Variants in ADAMTS20 observed in about 807,000 individuals in gnomAD.
ADAMTS20 encodes A disintegrin and metalloproteinase with thrombospondin motifs 20.
A neutral mutation model predicts 260.1 loss-of-function variants in ADAMTS20; 225 were observed. The observed-to-expected ratio is 0.87, with a 90% confidence interval of 0.78 to 0.97. The LOEUF (loss-of-function observed/expected upper bound fraction) is 0.97. ADAMTS20 is among the 50% of genes least tolerant of loss of function. The pLI is 0.00. For synonymous variants in ADAMTS20, 802 were observed against 769.5 expected, an observed-to-expected ratio of 1.04 and a Z score of -0.70; for missense variants, 2,400 against 2,337.7, an observed-to-expected ratio of 1.03 and a Z score of -0.55.
chr12:43,387,259 C>A (rs184774707), intron 29 of ADAMTS20, among the ~76,000 whole-genome samples: 1 of 152,306 alleles, frequency 6.6e-6, no homozygotes, highest in East Asian at 1.9e-4. Context: ...TGTTGCAGGT[C>A]TGCTGGAGTT....
chr12:43,476,583 T>A (rs1942356894), intron 7 of ADAMTS20, among the ~76,000 whole-genome samples: 1 of 93,924 alleles, frequency 1.1e-5, no homozygotes, highest in East Asian at 4.8e-4. Context: ...TAGCAAAGAC[T>A]TGGAACCAAC....
intron 28 of ADAMTS20, chr12:43,423,885 T>C: frequency 1.4e-6 from 1 of 728,464 alleles, no homozygotes; most frequent in South Asian, 1.4e-5. Context: ...TCCCACAAGA[T>C]GATGGTCCTT....
intron 3 of ADAMTS20, among the ~76,000 whole-genome samples, chr12:43,503,643 T>C (rs1034549837): frequency 1.3e-5 from 2 of 152,218 alleles, no homozygotes; most frequent in East Asian, 3.9e-4. Flanking sequence ...GGGAGTTTGG[T>C]GCACAGATTA....
chr12:43,497,700 TA>T (rs929936569), intron 4 of ADAMTS20, among the ~76,000 whole-genome samples: 3 of 152,064 alleles, frequency 2.0e-5, no homozygotes, highest in African/African-American at 7.2e-5. Flanking sequence ...TAAAAGCAAC[TA>T]ACAAGATTGA....
intron 37 of ADAMTS20, among the ~76,000 whole-genome samples, chr12:43,359,998 A>G (rs1939832172): frequency 6.6e-6 from 1 of 152,208 alleles, no homozygotes; most frequent in African/African-American, 2.4e-5. Context: ...CTTTATTAAA[A>G]TTGAAAACTG....
In ADAMTS20 at chr12:43,431,954, T is replaced by TTGATAC. The variant is rs558682296; in HGVS notation, c.3096+344_3096+349dup. On this transcript the variant is annotated intron_variant, in intron 21 of 38. Coordinates refer to ENST00000389420, the MANE Select transcript of ADAMTS20 (RefSeq NM_025003.5). ...CTCAGCTTACCGCAATCTCTGCTCA[T>TTGATAC]TGATACTCCACGTCCCAGACTCAAG... Among the ~76,000 whole-genome samples, 38 of 152,036 alleles carry TTGATAC rather than the reference T, an allele frequency of 2.5e-4. No homozygotes were observed. The East Asian group carries it at 4.5e-3, about 18-fold the overall frequency.
intron 29 of ADAMTS20, among the ~76,000 whole-genome samples, chr12:43,389,703 T>G (rs923184800): frequency 2.0e-5 from 3 of 152,086 alleles, no homozygotes; most frequent in Admixed American, 2.0e-4. Context: ...TTTTTGTTTT[T>G]GTTTTTGTTT....
chr12:43,531,936 TAAA>T, intron 3 of ADAMTS20, 97 bp downstream of exon 3: 1 of 807,770 alleles, frequency 1.2e-6, no homozygotes, highest in Non-Finnish European at 1.6e-6. Context: ...TAATTAAAAA[TAAA>T]TAAAATATTG....
chr12:43,432,526 T>G (rs181001306), intron 20 of ADAMTS20, 58 bp from the exon 21 acceptor site: 16 of 1,594,590 alleles, frequency 1.0e-5, no homozygotes, highest in Admixed American at 1.8e-5. Context: ...TCAACAAAAT[T>G]ATACTTCAGA....
At chr12:43,464,835 T>A in intron 9 of ADAMTS20, 103 bp from the exon 10 acceptor site, 1 of 1,271,476 alleles carries the variant, frequency 7.9e-7, no homozygotes, top group Non-Finnish European at 1.1e-6. Flanking sequence ...AAAGAGAATA[T>A]CAGTATTTAT....
chr12:43,440,772 C>CA lies in ADAMTS20; in HGVS notation c.2291-704dup, dbSNP rs555583270. Among the ~76,000 whole-genome samples the CA allele has an allele frequency of 5.7e-3, 864 of 152,214 alleles. 1 individual carries two copies. Among genetic ancestry groups the CA allele is most frequent in the South Asian group, 0.015 (73 of 4,814 alleles). ...GAGCAGCCAGACTGCTGCATCATTC[C>CA]ATTTATGCTTATCTTAGAAAAAAGG... On this transcript the variant is annotated intron_variant, in intron 16 of 38. Coordinates refer to ENST00000389420, the MANE Select transcript of ADAMTS20 (RefSeq NM_025003.5).
intron 27 of ADAMTS20, among the ~76,000 whole-genome samples, chr12:43,426,221 C>T (rs143213780): frequency 6.6e-6 from 1 of 152,032 alleles, no homozygotes; most frequent in African/African-American, 2.4e-5. Flanking sequence ...TCATGCAGAA[C>T]AAAAGCCTGG....
intron 28 of ADAMTS20, among the ~76,000 whole-genome samples, chr12:43,406,959 T>G (rs1044944812): frequency 1.3e-5 from 2 of 152,038 alleles, no homozygotes; most frequent in East Asian, 3.8e-4. Context: ...TCAATACACA[T>G]GTGCTCTAAG....
intron 37 of ADAMTS20, among the ~76,000 whole-genome samples, chr12:43,368,352 T>G (rs1360801246): frequency 6.6e-6 from 1 of 152,130 alleles, no homozygotes; most frequent in Non-Finnish European, 1.5e-5. Context: ...ACATCACCAC[T>G]TTCCGTTTGA....
intron 28 of ADAMTS20, among the ~76,000 whole-genome samples, chr12:43,416,811 C>A (rs533422229): frequency 6.6e-6 from 1 of 152,134 alleles, no homozygotes; most frequent in Non-Finnish European, 1.5e-5. Context: ...CGTGAGCCAC[C>A]GCGCCCGGCC....
At position 43,429,635 on chromosome 12, in the gene ADAMTS20, T is replaced by C. The variant is rs1187627373; in HGVS notation, c.3471A>G (p.Arg1157=). Residue 1157 remains arginine, a synonymous_variant, in exon 24 of 39, where the codon CGA becomes CGG. Coordinates refer to ENST00000389420, the MANE Select transcript of ADAMTS20 (RefSeq NM_025003.5). ...TVLIKKMAQW[R]HGSWTPCSVS... is the part of the protein sequence containing the mutation. ...CACTTACTGGGGTCCAAGAACCATG[T>C]CGCCATTGTGCCATCTTTTTTATGA... 5.0e-6 allele frequency: 8 copies of C among 1,595,954 alleles called. No homozygotes were observed. In the South Asian group the frequency reaches 8.0e-5, roughly 16 times the overall value.
chr12:43,399,057 A>G lies in ADAMTS20; in HGVS notation c.4452+9T>C, dbSNP rs556201365. The stretch of plus-strand genomic sequence containing the variant: ...ATACATATATAATTATAAAATATAC[A>G]TCATATACCTCATTCCAGCTATTGG... On this transcript the variant is annotated intron_variant, in intron 29 of 38. Coordinates refer to ENST00000389420, the MANE Select transcript of ADAMTS20 (RefSeq NM_025003.5). 5 of 1,402,174 alleles carry G rather than the reference A, an allele frequency of 3.6e-6. No homozygotes were observed. The South Asian group carries it at 7.2e-5, about 20-fold the overall frequency. 86.9% of individuals were successfully genotyped at this position (1,402,174 alleles called of 1,614,324 possible).
At chr12:43,531,716 T>G (rs957805015) in intron 3 of ADAMTS20, among the ~76,000 whole-genome samples, 2 of 152,078 alleles carry the variant, frequency 1.3e-5, no homozygotes, top group African/African-American at 4.8e-5. Flanking sequence ...CTGTACATGG[T>G]GACTATAGTT....
At chr12:43,381,152 T>C (rs1031393088) in intron 31 of ADAMTS20, among the ~76,000 whole-genome samples, 2 of 152,128 alleles carry the variant, frequency 1.3e-5, no homozygotes, top group Non-Finnish European at 2.9e-5. Context: ...GAAAGAATAA[T>C]CTTTTCATGC....
Sources: gnomAD v4.1 joint callset for allele counts (sites outside exome capture counted in the v4.1 genomes callset) on GRCh38, gnomAD v4.1.1 for gene constraint, MANE v1.5 for transcripts, NCBI Gene and HGNC (gene_info 2026-07-23, HGNC 2026-07-21) for gene names.